The following NHSL1 variants were observed in gnomAD, a reference collection of about 807,000 sequenced individuals.
NHSL1 encodes the protein NHS-like protein 1.
A neutral mutation model predicts 95.0 loss-of-function variants in NHSL1; 48 were observed. The ratio of observed to expected loss-of-function variants is 0.51; its 90% CI spans 0.40 to 0.64. The LOEUF is 0.64. NHSL1 is among the 30% of genes least tolerant of loss of function. The pLI, the probability that NHSL1 is intolerant of heterozygous loss-of-function variation, is 0.00. For synonymous variants in NHSL1, 783 were observed against 833.9 expected (o/e 0.94, Z 1.05); for missense variants, 1,971 against 2,077.7 (o/e 0.95, Z 1.00).
chr6:138,660,965 G>A (rs576274778), intron 1 of NHSL1, among the ~76,000 whole-genome samples: 7 of 152,116 alleles, frequency 4.6e-5, no homozygotes, highest in African/African-American at 1.4e-4. Flanking sequence ...GGTGGCGCAC[G>A]CCTGTAGTCC....
chr6:138,675,077 T>G (rs1421076537), intron 1 of NHSL1, among the ~76,000 whole-genome samples: 1 of 150,820 alleles, frequency 6.6e-6, no homozygotes, highest in Non-Finnish European at 1.5e-5. Flanking sequence ...CAGGAAAAAA[T>G]TAAAAGAGGC....
At chr6:138,522,897 C>T (rs1004252604) in intron 1 of NHSL1, among the ~76,000 whole-genome samples, 6 of 152,094 alleles carry the variant, frequency 3.9e-5, no homozygotes, top group Admixed American at 3.9e-4. Context: ...TTTAGATTTA[C>T]ATAACAAAAC....
chr6:138,618,052 T>C (rs901625877), intron 1 of NHSL1, among the ~76,000 whole-genome samples: 53 of 152,186 alleles, frequency 3.5e-4, no homozygotes, highest in Admixed American at 3.5e-3. Context: ...ATATTGATAT[T>C]TTCATATGGG....
At chr6:138,535,374 G>A (rs140253052) in intron 1 of NHSL1, among the ~76,000 whole-genome samples, 125 of 152,118 alleles carry the variant, frequency 8.2e-4, no homozygotes, top group Non-Finnish European at 1.6e-3. Flanking sequence ...GACCAGTCTC[G>A]GCAACACAGT....
chr6:138,556,728 G>A (rs6901012), intron 1 of NHSL1, among the ~76,000 whole-genome samples: 12,810 of 151,912 alleles, frequency 0.084, 518 homozygotes, highest in Middle Eastern at 0.14. Flanking sequence ...ATTCCCATTC[G>A]CATTAATGAG....
chr6:138,476,549 C>G (rs551129450), intron 2 of NHSL1, among the ~76,000 whole-genome samples: 2 of 151,882 alleles, frequency 1.3e-5, no homozygotes, highest in Admixed American at 6.6e-5. Flanking sequence ...ACTGGGGGCC[C>G]GCGCCAGTAG....
intron 1 of NHSL1, among the ~76,000 whole-genome samples, chr6:138,659,046 CTTTTT>C (rs771033274): frequency 8.5e-6 from 1 of 117,830 alleles, no homozygotes; most frequent in Admixed American, 9.2e-5. Context: ...TGTGGACTAT[CTTTTT>C]TTTTTTTTTT....
intron 1 of NHSL1, among the ~76,000 whole-genome samples, chr6:138,615,969 C>T (rs1278198724): frequency 2.0e-5 from 3 of 152,200 alleles, no homozygotes; most frequent in East Asian, 1.9e-4. Context: ...GCAGAAGGAT[C>T]GCTTGAGCCC....
intron 1 of NHSL1, among the ~76,000 whole-genome samples, chr6:138,679,953 AAGAG>A (rs1326386329): frequency 6.6e-6 from 1 of 152,194 alleles, no homozygotes; most frequent in Non-Finnish European, 1.5e-5. Context: ...TGGCCAAAAA[AAGAG>A]AGAAAATGAA....
chr6:138,644,251 C>T (rs1182402111), intron 1 of NHSL1, among the ~76,000 whole-genome samples: 1 of 152,000 alleles, frequency 6.6e-6, no homozygotes, highest in African/African-American at 2.4e-5. Context: ...ACCTGTAATC[C>T]CAGCACTTTG....
In NHSL1 at chr6:138,430,800, G is replaced by T; in HGVS notation, c.3545C>A (p.Pro1182Gln). Residue 1182 changes from proline to glutamine, a missense_variant, in exon 6 of 8, where the codon CCA becomes CAA. Coordinates refer to ENST00000343505, the MANE Select transcript of NHSL1 (RefSeq NM_001144060.2). The surrounding 1 kb of genome is among the most constrained non-coding windows in gnomAD (Gnocchi z 4.7). ...AEARPSPSTT[P>Q]LPDSSPSRKP... is the part of the protein sequence containing the mutation. ...CCTGCTGGGTGAAGAGTCTGGGAGT[G>T]GGGTGGTGCTGGGGCTGGGCCGAGC... 6.4e-7 allele frequency: 1 copy of T among 1,551,362 alleles called. No homozygotes were observed. The highest frequency in any genetic ancestry group is 8.7e-7 in the Non-Finnish European group (1 of 1,146,950).
rs1449583276 is a variant in NHSL1, at chr6:138,437,359, C to A, written c.665-3679G>T. Among the ~76,000 whole-genome samples the A allele has an allele frequency of 2.4e-4, 5 of 20,970 alleles. 1 individual carries two copies. The highest frequency in any genetic ancestry group is 5.2e-4 in the Non-Finnish European group (5 of 9,616). 13.8% of individuals were successfully genotyped at this position (20,970 alleles called of 152,430 possible). ...ATATATATACACATATATATATACA[C>A]ATATATATATATACACATATATATA... On this transcript the variant is annotated intron_variant, in intron 5 of 7. Transcript: ENST00000343505.
At chr6:138,439,006 G>A (rs1776361352) in intron 5 of NHSL1, among the ~76,000 whole-genome samples, 1 of 152,104 alleles carries the variant, frequency 6.6e-6, no homozygotes, top group Non-Finnish European at 1.5e-5. Context: ...CCAATTCACT[G>A]AAACGAAAGG....
At chr6:138,681,731 G>C (rs1052381711) in intron 1 of NHSL1, among the ~76,000 whole-genome samples, 1 of 151,882 alleles carries the variant, frequency 6.6e-6, no homozygotes, top group Non-Finnish European at 1.5e-5. Context: ...TTTACACATC[G>C]TGGTCTCTGA....
chr6:138,614,180 A>T (rs537138909), intron 1 of NHSL1, among the ~76,000 whole-genome samples: 1 of 152,294 alleles, frequency 6.6e-6, no homozygotes, highest in South Asian at 2.1e-4. Context: ...TTGATGTGTG[A>T]GGCTCTCAGG....
chr6:138,616,094 AT>A (rs1344268817), intron 1 of NHSL1, among the ~76,000 whole-genome samples: 1 of 152,214 alleles, frequency 6.6e-6, no homozygotes, highest in Non-Finnish European at 1.5e-5. Flanking sequence ...AAATTTACCA[AT>A]GTCCCAGAAA....
intron 1 of NHSL1, among the ~76,000 whole-genome samples, chr6:138,541,454 C>T (rs373311461): frequency 6.6e-6 from 1 of 152,198 alleles, no homozygotes; most frequent in African/African-American, 2.4e-5. Flanking sequence ...TTAAAATTTT[C>T]AACATTGTGT....
chr6:138,431,495 A>G lies in NHSL1; in HGVS notation c.2850T>C (p.Leu950=). 1 of 1,550,902 alleles carries G rather than the reference A, an allele frequency of 6.4e-7. No homozygotes were observed. The highest frequency in any genetic ancestry group is 8.7e-7 in the Non-Finnish European group (1 of 1,146,778). The change falls in exon 6 of 8, where the codon CTT becomes CTC. Residue 950 remains leucine (L), a synonymous_variant. Coordinates refer to ENST00000343505, the MANE Select transcript of NHSL1 (RefSeq NM_001144060.2). This position sits in a 1 kb window ranked among gnomAD's most constrained non-coding sequence, Gnocchi z 4.0. ...FPCPADRSPF[L]PPPPPVTDCS... ...AATCTGTGACAGGAGGTGGGGGAGG[A>G]AGGAAAGGAGACCTGTCTGCAGGAC... is the stretch of plus-strand genomic sequence containing the variant.
chr6:138,476,824 T>C (rs1325302680), intron 2 of NHSL1, among the ~76,000 whole-genome samples: 3 of 151,662 alleles, frequency 2.0e-5, no homozygotes, highest in Admixed American at 6.6e-5. Context: ...CGAAACTCCA[T>C]CTCAGAAAAA....
Sources: allele counts gnomAD v4.1 joint callset (sites outside exome capture counted in the v4.1 genomes callset), GRCh38; gene constraint gnomAD v4.1.1; non-coding constraint Gnocchi (gnomAD v3.1); transcripts MANE v1.5; gene names NCBI Gene and HGNC (gene_info 2026-07-23, HGNC 2026-07-21).